Variants in UTRN observed in about 807,000 individuals in gnomAD.
UTRN encodes dystrophin-related protein 1.
In UTRN, 283 loss-of-function variants were observed where a neutral mutation model predicts 463.9. That is an observed-to-expected ratio of 0.61 (90% CI 0.55 to 0.67). The LOEUF (loss-of-function observed/expected upper bound fraction) is 0.67, where lower values mean the gene tolerates loss of function less well. Among genes scored for constraint, UTRN ranks in the 30% least tolerant of loss-of-function variants. The pLI is 0.00. For missense variants in UTRN, 3,922 were observed against 4,084.3 expected, an observed-to-expected ratio of 0.96 and a Z score of 1.08; for synonymous variants, 1,442 against 1,431.5, an observed-to-expected ratio of 1.01 and a Z score of -0.17.
chr6:144,408,697 T>G (rs981886528), intron 3 of UTRN, among the ~76,000 whole-genome samples: 2 of 152,240 alleles, frequency 1.3e-5, no homozygotes, highest in African/African-American at 2.4e-5. Context: ...GGAGAGCTAT[T>G]AAGATGTTTT....
chr6:144,547,811 A>G (rs1798544561), intron 46 of UTRN, among the ~76,000 whole-genome samples: 1 of 152,200 alleles, frequency 6.6e-6, no homozygotes, highest in Non-Finnish European at 1.5e-5. Context: ...TTTTCTCTTC[A>G]ATATTAATTT....
intron 50 of UTRN, among the ~76,000 whole-genome samples, chr6:144,570,234 C>G (rs2128621500): frequency 6.6e-6 from 1 of 151,958 alleles, no homozygotes; most frequent in Admixed American, 6.5e-5. Context: ...TTAGTGGAGG[C>G]TGGAGGAAAG....
At chr6:144,850,396 T>C (rs2128767378) in intron 74 of UTRN, among the ~76,000 whole-genome samples, 1 of 151,750 alleles carries the variant, frequency 6.6e-6, no homozygotes, top group South Asian at 2.1e-4. Flanking sequence ...ATTTTAGCAC[T>C]TTTTTTTTAT....
intron 31 of UTRN, among the ~76,000 whole-genome samples, chr6:144,490,675 A>G (rs1309708709): frequency 6.6e-6 from 1 of 152,112 alleles, no homozygotes; most frequent in Admixed American, 6.6e-5. Context: ...CTTTATCTAA[A>G]TTTCTTATCC....
At chr6:144,789,061 A>G in intron 61 of UTRN, 133 bp from the exon 62 acceptor site, 1 of 690,148 alleles carries the variant, frequency 1.4e-6, no homozygotes, top group South Asian at 2.0e-5. Context: ...TTAAAAGTTA[A>G]TAGAAAAGTT....
At chr6:144,742,290 C>A (rs1790185844) in intron 54 of UTRN, among the ~76,000 whole-genome samples, 1 of 152,068 alleles carries the variant, frequency 6.6e-6, no homozygotes, top group Non-Finnish European at 1.5e-5. Context: ...TGATGATGTA[C>A]TTGTAATCTG....
chr6:144,454,497 C>T (rs1788631311), intron 19 of UTRN, among the ~76,000 whole-genome samples: 1 of 152,086 alleles, frequency 6.6e-6, no homozygotes, highest in African/African-American at 2.4e-5. Context: ...ATTTCTTGCA[C>T]TCCATGTACG....
At position 144,542,816 on chromosome 6, in the gene UTRN, AC is replaced by A; in HGVS notation, c.6544del (p.Leu2182Ter). On this transcript the variant is annotated frameshift_variant, in exon 46 of 75. Coordinates refer to ENST00000367545, the MANE Select transcript of UTRN (RefSeq NM_007124.3). LOFTEE classifies it high-confidence loss of function. ...GTAGATTTGCAGAGAGGTGCCTACC[AC>A]CCTGAAGGAATGCATCCAGGAGCCC... ...WNKICREVPT[T>X]LKECIQEPSS... 1.2e-6 allele frequency: 2 copies of A among 1,613,766 alleles called. No individual in the cohort carries two copies. Among genetic ancestry groups the A allele is most frequent in the Non-Finnish European group, 1.7e-6 (2 of 1,179,866 alleles).
chr6:144,345,628 A>T (rs1310385113), intron 2 of UTRN, among the ~76,000 whole-genome samples: 1 of 152,186 alleles, frequency 6.6e-6, no homozygotes, highest in Non-Finnish European at 1.5e-5. Context: ...AGCCACGATC[A>T]TGCCGCTGCA....
At chr6:144,729,860 T>C (rs1480117651) in intron 53 of UTRN, among the ~76,000 whole-genome samples, 1 of 152,264 alleles carries the variant, frequency 6.6e-6, no homozygotes, top group Non-Finnish European at 1.5e-5. Flanking sequence ...TTTGATTTCA[T>C]GTATGTACTT....
At chr6:144,548,162 A>T (rs1798574658) in intron 46 of UTRN, among the ~76,000 whole-genome samples, 1 of 152,226 alleles carries the variant, frequency 6.6e-6, no homozygotes, top group Non-Finnish European at 1.5e-5. Flanking sequence ...TTAAAAAATT[A>T]AAATAAAATT....
chr6:144,684,330 G>A (rs113889860), intron 52 of UTRN, among the ~76,000 whole-genome samples: 2,772 of 152,218 alleles, frequency 0.018, 77 homozygotes, highest in African/African-American at 0.06. Context: ...GATTACAGAC[G>A]TGAGCCACCA....
chr6:144,802,117 G>A (rs12191009), intron 64 of UTRN, among the ~76,000 whole-genome samples: 1 of 152,204 alleles, frequency 6.6e-6, no homozygotes, highest in African/African-American at 2.4e-5. Context: ...GTATTCAGCA[G>A]AAAACAAAAT....
intron 23 of UTRN, among the ~76,000 whole-genome samples, chr6:144,463,912 T>G (rs900274245): frequency 6.6e-6 from 1 of 151,574 alleles, no homozygotes; most frequent in Non-Finnish European, 1.5e-5. Flanking sequence ...TATATGCATA[T>G]ACATCTTTAT....
chr6:144,308,876 C>T (rs1805988489), intron 2 of UTRN, among the ~76,000 whole-genome samples: 1 of 152,164 alleles, frequency 6.6e-6, no homozygotes, highest in South Asian at 2.1e-4. Context: ...TTCCTCTGGT[C>T]CCCTTTATGA....
chr6:144,574,106 A>T (rs1801203898), intron 50 of UTRN, among the ~76,000 whole-genome samples: 1 of 152,204 alleles, frequency 6.6e-6, no homozygotes, highest in Non-Finnish European at 1.5e-5. Flanking sequence ...TTTCGTGTGG[A>T]CACAATATTA....
chr6:144,637,391 T>C (rs1777291859), intron 51 of UTRN, among the ~76,000 whole-genome samples: 2 of 151,708 alleles, frequency 1.3e-5, no homozygotes, highest in South Asian at 4.1e-4. Context: ...ATTATACTTC[T>C]AAATTATAAA....
intron 53 of UTRN, among the ~76,000 whole-genome samples, chr6:144,729,248 G>C (rs938972328): frequency 6.6e-6 from 1 of 151,948 alleles, no homozygotes; most frequent in Non-Finnish European, 1.5e-5. Context: ...TGTGTATGTT[G>C]CTTAGATCCA....
At position 144,688,591 on chromosome 6, in the gene UTRN, T is replaced by C. The variant is rs116208806; in HGVS notation, c.7652+10013T>C. 3.4e-3 allele frequency among the ~76,000 whole-genome samples: 521 copies of C among 152,342 alleles called. 1 individual carries two copies. Among genetic ancestry groups the C allele is most frequent in the African/African-American group, 0.012 (488 of 41,582 alleles). ...CTTGAGGATGTGATTTTAATGACTC[T>C]AGTTTATTGTAACCCAATTCAGCTC... On this transcript the variant is annotated intron_variant, in intron 52 of 74. Transcript: ENST00000367545.
Sources: gnomAD v4.1 joint callset for allele counts (sites outside exome capture counted in the v4.1 genomes callset) on GRCh38, gnomAD v4.1.1 for gene constraint, MANE v1.5 for transcripts, NCBI Gene and HGNC (gene_info 2026-07-23, HGNC 2026-07-21) for gene names.